Variants in BICRA observed in about 807,000 individuals in gnomAD.
BICRA encodes the protein BRD4 interacting chromatin remodeling complex associated protein, also known as BRD4-interacting chromatin-remodeling complex-associated protein.
In BICRA, 31 loss-of-function variants were observed where a neutral mutation model predicts 96.9. That is an observed-to-expected ratio of 0.32 (90% CI 0.24 to 0.43). BICRA has a LOEUF of 0.43. Among genes scored for constraint, BICRA ranks in the 20% least tolerant of loss-of-function variants. The pLI, the probability that BICRA is intolerant of heterozygous loss-of-function variation, is 1.00. For missense variants in BICRA, 2,283 were observed against 2,190.3 expected (o/e 1.04, Z -0.84); for synonymous variants, 1,350 against 1,071.8 (o/e 1.26, Z -5.07).
intron 1 of BICRA, among the ~76,000 whole-genome samples, chr19:47,665,406 G>T (rs1331857217): frequency 6.6e-6 from 1 of 152,168 alleles, no homozygotes; most frequent in African/African-American, 2.4e-5. Flanking sequence ...GGACATTTCG[G>T]TAGAGGAGAC....
intron 7 of BICRA, among the ~76,000 whole-genome samples, chr19:47,685,790 C>CGCGCGCGCGCGCAT (rs1350740825): frequency 1.1e-5 from 1 of 88,770 alleles, no homozygotes; most frequent in East Asian, 3.8e-4. Flanking sequence ...TGTGTGTGCG[C>CGCGCGCGCGCGCAT]GCGCGCGCGC....
At position 47,679,729 on chromosome 19, in the gene BICRA, G is replaced by C. The variant is rs144451378; in HGVS notation, c.559G>C (p.Val187Leu). The C allele has an allele frequency of 6.5e-7, 1 of 1,537,454 alleles. No homozygotes were observed. The highest frequency in any genetic ancestry group is 8.7e-7 in the Non-Finnish European group (1 of 1,143,126). Residue 187 changes from valine (V) to leucine (L), a missense_variant, in exon 6 of 15, where the codon GTG (valine) becomes CTG (leucine). By Grantham distance (32) the Val-to-Leu change is conservative. Transcript: ENST00000594866. ...THQALVPPQD[V>L]VNKALSVQPF... ...CCAGGCCCTGGTGCCGCCCCAGGAC[G>C]TGGTCAACAAGGCCCTGAGTGTGCA...
In BICRA at chr19:47,698,921, C is replaced by G. The variant is rs376554123; in HGVS notation, c.3398-44C>G. On this transcript the variant is annotated intron_variant, in intron 12 of 14. Coordinates refer to ENST00000594866, the MANE Select transcript of BICRA (RefSeq NM_001394372.1). The surrounding 1 kb of genome is among the most constrained non-coding windows in gnomAD (Gnocchi z 4.8). ...GCCCTCCTTCCTGCGCATCCGCGGC[C>G]GCCCCCAACATCTCCGCCCTTGCCT... The G allele has an allele frequency of 2.7e-6, 4 of 1,463,110 alleles. No homozygotes were observed. In the East Asian group the frequency reaches 7.3e-5, roughly 27 times the overall value. 90.6% of individuals were successfully genotyped at this position (1,463,110 alleles called of 1,614,324 possible). A position where few individuals can be genotyped will look rare whatever the true frequency, so the allele number is the denominator to read the frequency against.
chr19:47,630,591 T>C (rs1222327542), intron 1 of BICRA, among the ~76,000 whole-genome samples: 1 of 152,196 alleles, frequency 6.6e-6, no homozygotes, highest in Non-Finnish European at 1.5e-5. Flanking sequence ...ATCAGAATTC[T>C]TTTCTTTTTT....
chr19:47,694,561 C>G lies in BICRA; in HGVS notation c.2730C>G (p.Phe910Leu). ...CGCCATCCGACTTCCAGCTCCAGTT[C>G]CCACCCAGCCAGGGGCCCCACAAGT... ...APTPSDFQLQ[F>L]PPSQGPHKSP... Residue 910 changes from phenylalanine to leucine, a missense_variant, in exon 8 of 15, where the codon TTC becomes TTG. By Grantham distance (22) the Phe-to-Leu change is conservative. Coordinates refer to ENST00000594866, the MANE Select transcript of BICRA (RefSeq NM_001394372.1). 1 of 1,609,590 alleles carries G rather than the reference C, an allele frequency of 6.2e-7. No individual in the cohort carries two copies. Among genetic ancestry groups the G allele is most frequent in the Non-Finnish European group, 8.5e-7 (1 of 1,177,934 alleles).
At position 47,699,202 on chromosome 19, in the gene BICRA, T is replaced by G. The variant is rs1462071634; in HGVS notation, c.3493-101T>G. ...GTTGGGAGGGAGGCGGGAGCTCCCA[T>G]CACAAGGACAGTTTGGACCTTGCAC... On this transcript the variant is annotated intron_variant, in intron 13 of 14. Coordinates refer to ENST00000594866, the MANE Select transcript of BICRA (RefSeq NM_001394372.1). This position sits in a 1 kb window ranked among gnomAD's most constrained non-coding sequence, Gnocchi z 5.0. 2 of 877,240 alleles carry G rather than the reference T, an allele frequency of 2.3e-6. No individual in the cohort carries two copies. Among genetic ancestry groups the G allele is most frequent in the Non-Finnish European group, 3.7e-6 (2 of 537,488 alleles). The allele number at this position is 877,240 out of a possible 1,614,324, so 54.3% of individuals were successfully genotyped here.
Position 47,701,324 on chromosome 19 carries a change from G to C in BICRA, c.3596-4G>C, listed in dbSNP as rs758820379. The C allele has an allele frequency of 1.2e-6, 2 of 1,607,390 alleles. No individual in the cohort carries two copies. Among genetic ancestry groups the C allele is most frequent in the South Asian group, 1.1e-5 (1 of 90,914 alleles). Reference sequence around the variant, plus strand: ...CGCGGGTTTTCTTTGCCCCGATTCTGCAGACGAGTACGTGTCTTCCTCCCG... The same window carrying C: ...CGCGGGTTTTCTTTGCCCCGATTCTCCAGACGAGTACGTGTCTTCCTCCCG... On this transcript the variant is annotated splice_region_variant and splice_polypyrimidine_tract_variant and intron_variant, in intron 14 of 14. Transcript: ENST00000594866. This position sits in a 1 kb window ranked among gnomAD's most constrained non-coding sequence, Gnocchi z 5.4.
chr19:47,633,085 T>C (rs901394071), intron 1 of BICRA, among the ~76,000 whole-genome samples: 24 of 142,622 alleles, frequency 1.7e-4, no homozygotes, highest in African/African-American at 5.2e-4. Flanking sequence ...TATTTCTTTT[T>C]TTTTTTTTTT....
At position 47,679,632 on chromosome 19, in the gene BICRA, G is replaced by C. The variant is rs535151641; in HGVS notation, c.462G>C (p.Ala154=). ...TGAGGAAAVA[A]GPQALFPGST... is the part of the protein sequence containing the mutation. ...CTGGAGGGGCAGCGGCCGTGGCTGC[G>C]GGGCCCCAAGCCCTCTTCCCAGGCA... Residue 154 remains alanine, a synonymous_variant, in exon 6 of 15, where the codon GCG becomes GCC. Transcript: ENST00000594866. The C allele has an allele frequency of 1.7e-4, 253 of 1,513,040 alleles. 6 individuals carry two copies. In the South Asian group the frequency reaches 3.0e-3, roughly 18 times the overall value. The allele number at this position is 1,513,040 out of a possible 1,614,324, so 93.7% of individuals were successfully genotyped here.
At chr19:47,677,417 CT>C (rs1291100140) in intron 5 of BICRA, among the ~76,000 whole-genome samples, 1 of 152,202 alleles carries the variant, frequency 6.6e-6, no homozygotes, top group African/African-American at 2.4e-5. Flanking sequence ...AGCATTGAGG[CT>C]GGGCACGGTG....
At position 47,701,863 on chromosome 19, in the gene BICRA, C is replaced by T. The variant is rs1279651338; in HGVS notation, c.4131C>T (p.Gly1377=). 8.1e-6 allele frequency: 12 copies of T among 1,478,646 alleles called. No homozygotes were observed. The highest frequency in any genetic ancestry group is 2.4e-5 in the Admixed American group (1 of 41,948). The allele number at this position is 1,478,646 out of a possible 1,614,324, so 91.6% of individuals were successfully genotyped here. A position where few individuals can be genotyped will look rare whatever the true frequency, so the allele number is the denominator to read the frequency against. ...CCGCCCCCGAGCGCAAGCCCCTGGG[C>T]ACCGCCCCGCACTGCCCGCGCCTGC... ...PPAAPERKPL[G]TAPHCPRLPL... Residue 1377 remains glycine (G), a synonymous_variant, in exon 15 of 15, where the codon GGC becomes GGT. Transcript: ENST00000594866. The surrounding 1 kb of genome is among the most constrained non-coding windows in gnomAD (Gnocchi z 5.4).
chr19:47,669,866 C>T (rs1374180800), intron 1 of BICRA, among the ~76,000 whole-genome samples: 2 of 151,970 alleles, frequency 1.3e-5, no homozygotes, highest in Admixed American at 1.3e-4. Flanking sequence ...CCGGGTTAGC[C>T]AGGATGGTCT....
In BICRA at chr19:47,701,322, C is replaced by G. The variant is rs1208033256; in HGVS notation, c.3596-6C>G. 1.2e-6 allele frequency: 2 copies of G among 1,607,172 alleles called. No individual in the cohort carries two copies. Among genetic ancestry groups the G allele is most frequent in the Non-Finnish European group, 1.7e-6 (2 of 1,177,114 alleles). On this transcript the variant is annotated splice_region_variant and splice_polypyrimidine_tract_variant and intron_variant, in intron 14 of 14. Coordinates refer to ENST00000594866, the MANE Select transcript of BICRA (RefSeq NM_001394372.1). This position sits in a 1 kb window ranked among gnomAD's most constrained non-coding sequence, Gnocchi z 5.4. ...CCCGCGGGTTTTCTTTGCCCCGATTCTGCAGACGAGTACGTGTCTTCCTCC... is the reference window on the plus strand; with the variant it reads ...CCCGCGGGTTTTCTTTGCCCCGATTGTGCAGACGAGTACGTGTCTTCCTCC...
At position 47,682,022 on chromosome 19, in the gene BICRA, T is replaced by C. The variant is rs1368911426; in HGVS notation, c.2153T>C (p.Val718Ala). The change falls in exon 7 of 15, where the codon GTG (valine) becomes GCG (alanine). Residue 718 changes from valine (V) to alanine (A), a missense_variant. Coordinates refer to ENST00000594866, the MANE Select transcript of BICRA (RefSeq NM_001394372.1). The part of the protein sequence containing the change: ...PLSAEGPHLS[V>A]PASVIVSAPP... ...TCCGCAGAGGGCCCCCACCTCTCCG[T>C]GCCTGCCTCGGTCATAGTCAGCGCC... The C allele has an allele frequency of 2.5e-6, 4 of 1,571,542 alleles. No individual in the cohort carries two copies. The highest frequency in any genetic ancestry group is 2.6e-6 in the Non-Finnish European group (3 of 1,162,214).
intron 7 of BICRA, among the ~76,000 whole-genome samples, chr19:47,691,233 G>A (rs117878242): frequency 5.3e-5 from 8 of 152,196 alleles, no homozygotes; most frequent in Non-Finnish European, 1.0e-4. Context: ...GACACACAGC[G>A]GTTGGCTTCC....
At chr19:47,668,925 G>C (rs1056372216) in intron 1 of BICRA, among the ~76,000 whole-genome samples, 1 of 151,904 alleles carries the variant, frequency 6.6e-6, no homozygotes, top group Non-Finnish European at 1.5e-5. Context: ...TTTGAGACCA[G>C]CCTGGCCAAT....
chr19:47,694,204 G>GGC lies in BICRA; in HGVS notation c.2373_2374insGC (p.Pro792AlafsTer51). The stretch of plus-strand genomic sequence containing the variant: ...CCCCTCTGGGGGACAGCCCCCACCT[G>GGC]CCCTCCCCACACCCCACCCGGCCCC... On this transcript the variant is annotated frameshift_variant, in exon 8 of 15. Coordinates refer to ENST00000594866, the MANE Select transcript of BICRA (RefSeq NM_001394372.1). LOFTEE classifies it high-confidence loss of function. 1.8e-6 allele frequency: 2 copies of GGC among 1,119,702 alleles called. No homozygotes were observed. The highest frequency in any genetic ancestry group is 2.3e-6 in the Non-Finnish European group (2 of 884,586). 69.4% of individuals were successfully genotyped at this position (1,119,702 alleles called of 1,614,324 possible). A position where few individuals can be genotyped will look rare whatever the true frequency, so the allele number is the denominator to read the frequency against.
rs1016608544 is a variant in BICRA at position 47,679,512 on chromosome 19, G to A, written c.342G>A (p.Thr114=). Residue 114 remains threonine (T), a synonymous_variant, in exon 6 of 15, where the codon ACG becomes ACA. Transcript: ENST00000594866. ...AGAGCCTCCAAGAGGCCAACATCAC[G>A]GAGCAGACGCTGGAGGCCGAGGCTG... The part of the protein sequence containing the change: ...LQQSLQEANI[T]EQTLEAEAEL... 5.2e-6 allele frequency: 8 copies of A among 1,547,638 alleles called. No homozygotes were observed. The African/African-American group carries it at 5.5e-5, about 11-fold the overall frequency.
In BICRA at chr19:47,649,266, A is replaced by C. The variant is rs963660030; in HGVS notation, c.-107-21177A>C. Among the ~76,000 whole-genome samples, 43 of 152,298 alleles carry C rather than the reference A, an allele frequency of 2.8e-4. 1 individual carries two copies. The highest frequency in any genetic ancestry group is 1.0e-3 in the African/African-American group (42 of 41,570). The stretch of plus-strand genomic sequence containing the variant: ...CCTCCCAAAGGCTCGGATTACAGGC[A>C]TGAGCCACTGTGCCTGGCCTGTATG... On this transcript the variant is annotated intron_variant, in intron 1 of 14. Coordinates refer to ENST00000594866, the MANE Select transcript of BICRA (RefSeq NM_001394372.1).
Sources: allele counts gnomAD v4.1 joint callset (sites outside exome capture counted in the v4.1 genomes callset), GRCh38; gene constraint gnomAD v4.1.1; non-coding constraint Gnocchi (gnomAD v3.1); transcripts MANE v1.5; gene names NCBI Gene and HGNC (gene_info 2026-07-23, HGNC 2026-07-21).